SYNE2: variants seen among roughly 807,000 people sequenced by gnomAD.
The protein encoded by SYNE2 is spectrin repeat containing nuclear envelope protein 2.
In SYNE2, 431 loss-of-function variants were observed where a neutral mutation model predicts 856.3. The ratio of observed to expected loss-of-function variants is 0.50; its 90% CI spans 0.47 to 0.55. SYNE2 has a LOEUF of 0.55. SYNE2 is among the 20% of genes least tolerant of loss of function. The probability of loss-of-function intolerance (pLI) is 0.00; values close to 1 mark genes in which losing one functional copy is unlikely to be tolerated. For synonymous variants in SYNE2, 2,923 were observed against 2,872.3 expected (o/e 1.02, Z -0.56); for missense variants, 8,129 against 8,023.2 (o/e 1.01, Z -0.50).
chr14:64,030,032 G>A lies in SYNE2; in HGVS notation c.6852G>A (p.Ala2284=), dbSNP rs1224935689. The change falls in exon 44 of 116, where the codon GCG becomes GCA. Residue 2284 remains alanine, a synonymous_variant. Coordinates refer to ENST00000555002, the MANE Select transcript of SYNE2 (RefSeq NM_182914.3). ...SFSDKPVDQI[A]VEEKLQKLQE... Reference sequence around the variant, plus strand: ...CTGATAAGCCTGTGGATCAAATAGCGGTTGAGGAAAAATTGCAGAAACTGC... The same window carrying A: ...CTGATAAGCCTGTGGATCAAATAGCAGTTGAGGAAAAATTGCAGAAACTGC... 6.2e-7 allele frequency: 1 copy of A among 1,613,982 alleles called. No homozygotes were observed. Among genetic ancestry groups the A allele is most frequent in the East Asian group, 2.2e-5 (1 of 44,876 alleles).
At chr14:63,974,207 G>A (rs2096508635) in intron 11 of SYNE2, among the ~76,000 whole-genome samples, 1 of 152,220 alleles carries the variant, frequency 6.6e-6, no homozygotes, top group South Asian at 2.1e-4. Context: ...ATTTTAATTT[G>A]TGATTGATCT....
At chr14:64,207,219 T>C (rs2098609508) in intron 100 of SYNE2, among the ~76,000 whole-genome samples, 1 of 152,260 alleles carries the variant, frequency 6.6e-6, no homozygotes, top group Admixed American at 6.5e-5. Context: ...GGTTAGCATT[T>C]TATTTTCTTA....
chr14:63,812,605 A>G (rs1228234750), intron 1 of SYNE2, among the ~76,000 whole-genome samples: 1 of 152,214 alleles, frequency 6.6e-6, no homozygotes, highest in African/African-American at 2.4e-5. Context: ...AATCTTCACA[A>G]TTTATGTTCA....
intron 111 of SYNE2, 118 bp from the exon 112 acceptor site, chr14:64,221,458 T>TG: frequency 6.3e-7 from 1 of 1,592,530 alleles, no homozygotes; most frequent in Non-Finnish European, 8.6e-7. Flanking sequence ...TCGTATTCAG[T>TG]GGGTAAGGCC....
chr14:64,172,973 G>A (rs1032265934), intron 94 of SYNE2, among the ~76,000 whole-genome samples: 10 of 152,046 alleles, frequency 6.6e-5, no homozygotes, highest in African/African-American at 2.4e-4. Context: ...TTCAGTGATC[G>A]CTGGAGGCAG....
At chr14:64,158,942 A>T in intron 86 of SYNE2, 147 bp downstream of exon 86, 1 of 923,978 alleles carries the variant, frequency 1.1e-6, no homozygotes, top group Non-Finnish European at 1.7e-6. Context: ...ATAACTGGAA[A>T]TTCCAAAATA....
chr14:63,993,372 G>A (rs934224726), intron 21 of SYNE2, among the ~76,000 whole-genome samples: 2 of 152,078 alleles, frequency 1.3e-5, no homozygotes, highest in Non-Finnish European at 1.5e-5. Context: ...GTGACAGATC[G>A]CGATCCTATC....
At chr14:63,889,201 C>T (rs2095070138) in intron 1 of SYNE2, among the ~76,000 whole-genome samples, 1 of 151,112 alleles carries the variant, frequency 6.6e-6, no homozygotes, top group African/African-American at 2.4e-5. Flanking sequence ...TTATAAGCTC[C>T]TCTTTTATTA....
chr14:64,176,348 ATTTTAAATATGATAATACTTG>A (rs1294352218), intron 95 of SYNE2, among the ~76,000 whole-genome samples: 1 of 152,184 alleles, frequency 6.6e-6, no homozygotes, highest in Admixed American at 6.5e-5. Context: ...TAGTTTTCCC[ATTTTAAATATGATAATACTTG>A]TTTTAAATAT....
intron 38 of SYNE2, chr14:64,023,943 G>T: frequency 3.3e-6 from 1 of 305,226 alleles, no homozygotes; most frequent in Non-Finnish European, 6.3e-6. Flanking sequence ...TTCTTATTTG[G>T]GCAACGTTAA....
rs1411876415 is a variant in SYNE2, at chr14:63,967,779, G to A, written c.1061G>A (p.Arg354Gln). The change falls in exon 11 of 116, where the codon CGG becomes CAG. Residue 354 changes from arginine to glutamine, a missense_variant. Coordinates refer to ENST00000555002, the MANE Select transcript of SYNE2 (RefSeq NM_182914.3). ...TTTTTGGATGTCCTGTCAATAAAAC[G>A]GGATCTGGATGAGCTGGACAAGGAT... ...KSFLDVLSIKRDLDELDKDHL... is the reference protein window; with the variant it reads ...KSFLDVLSIKQDLDELDKDHL... 9 of 1,613,782 alleles carry A rather than the reference G, an allele frequency of 5.6e-6. No homozygotes were observed. Among genetic ancestry groups the A allele is most frequent in the East Asian group, 2.2e-5 (1 of 44,894 alleles).
chr14:63,871,522 T>A (rs772034124), intron 1 of SYNE2, among the ~76,000 whole-genome samples: 104 of 151,756 alleles, frequency 6.9e-4, no homozygotes, highest in Middle Eastern at 3.4e-3. Flanking sequence ...TTGAATTTTT[T>A]AAAAAAATTC....
chr14:63,797,145 C>T lies in SYNE2; in HGVS notation c.-305+35159C>T, dbSNP rs535912764. On this transcript the variant is annotated intron_variant, in intron 1 of 23. Transcript: ENST00000674003. ...AAGAAATAGGCTGGACGTGGTGGCT[C>T]ATGCACTTTGAGAGGCTGAGGTGGG... Among the ~76,000 whole-genome samples, 27 of 150,484 alleles carry T rather than the reference C, an allele frequency of 1.8e-4. 1 individual carries two copies. In the South Asian group the frequency reaches 4.5e-3, roughly 25 times the overall value.
intron 1 of SYNE2, among the ~76,000 whole-genome samples, chr14:63,900,867 A>G (rs1425301633): frequency 6.6e-6 from 1 of 152,238 alleles, no homozygotes; most frequent in Non-Finnish European, 1.5e-5. Context: ...TGGACTGTCA[A>G]TTGCTAGGAA....
intron 89 of SYNE2, 80 bp downstream of exon 89, chr14:64,163,661 T>C (rs1391339130): frequency 4.5e-6 from 7 of 1,554,318 alleles, no homozygotes; most frequent in Non-Finnish European, 6.1e-6. Flanking sequence ...TTTGAAGCAG[T>C]AGTGCTTTAC....
At chr14:63,937,843 A>G (rs751557821) in intron 2 of SYNE2, among the ~76,000 whole-genome samples, 4 of 152,334 alleles carry the variant, frequency 2.6e-5, no homozygotes. Context: ...ATAATTGATC[A>G]TGGAACTTAA....
intron 84 of SYNE2, among the ~76,000 whole-genome samples, chr14:64,149,559 T>G (rs781398868): frequency 3.3e-5 from 5 of 152,154 alleles, no homozygotes; most frequent in Non-Finnish European, 5.9e-5. Flanking sequence ...ATTGTATAGT[T>G]GAATAGAGTG....
intron 46 of SYNE2, 126 bp downstream of exon 46, chr14:64,048,281 C>T: frequency 2.4e-6 from 2 of 833,856 alleles, no homozygotes; most frequent in South Asian, 3.5e-5. Flanking sequence ...GCCTGATGAT[C>T]AATTTGGTAA....
chr14:64,090,302 G>C (rs1336386191), intron 59 of SYNE2, among the ~76,000 whole-genome samples: 1 of 152,150 alleles, frequency 6.6e-6, no homozygotes, highest in Admixed American at 6.5e-5. Flanking sequence ...TCGAGGGGTT[G>C]TGAGGATTAA....
Sources: gnomAD v4.1 joint callset for allele counts (sites outside exome capture counted in the v4.1 genomes callset) on GRCh38, gnomAD v4.1.1 for gene constraint, MANE v1.5 for transcripts, NCBI Gene and HGNC (gene_info 2026-07-23, HGNC 2026-07-21) for gene names.